Variants in SENP1 observed in about 807,000 individuals in gnomAD.
The protein encoded by SENP1 is SUMO specific peptidase 1, also known as sentrin-specific protease 1.
A neutral mutation model predicts 93.0 loss-of-function variants in SENP1; 21 were observed. The observed-to-expected ratio is 0.23, with a 90% CI of 0.16 to 0.33. SENP1 has a LOEUF of 0.33. Ranked by LOEUF, SENP1 falls within the 10% of genes least tolerant of loss-of-function variation. The pLI is 1.00. For synonymous variants in SENP1, 256 were observed against 259.6 expected, an observed-to-expected ratio of 0.99 and a Z score of 0.13; for missense variants, 591 against 758.7, an observed-to-expected ratio of 0.78 and a Z score of 2.60.
chr12:48,087,243 G>GA (rs1267194459), intron 5 of SENP1, among the ~76,000 whole-genome samples: 6 of 151,940 alleles, frequency 3.9e-5, no homozygotes, highest in Non-Finnish European at 8.8e-5. Context: ...ACTCATTTTG[G>GA]AAAAAAAGTA....
At chr12:48,060,666 C>A (rs1476717235) in intron 13 of SENP1, among the ~76,000 whole-genome samples, 1 of 152,148 alleles carries the variant, frequency 6.6e-6, no homozygotes, top group African/African-American at 2.4e-5. Context: ...CTCACTGCAG[C>A]CTTGACAACC....
intron 8 of SENP1, among the ~76,000 whole-genome samples, chr12:48,072,685 T>C (rs1304625454): frequency 6.6e-6 from 1 of 152,158 alleles, no homozygotes; most frequent in Non-Finnish European, 1.5e-5. Context: ...GTTAAAGTTT[T>C]TGATTTAATA....
At chr12:48,046,669 G>A (rs552406531) in intron 16 of SENP1, among the ~76,000 whole-genome samples, 1 of 152,050 alleles carries the variant, frequency 6.6e-6, no homozygotes, top group African/African-American at 2.4e-5. Flanking sequence ...GAATATCTCC[G>A]ACTCCCATGG....
intron 6 of SENP1, among the ~76,000 whole-genome samples, chr12:48,082,777 A>G (rs2137127928): frequency 6.6e-6 from 1 of 152,352 alleles, no homozygotes; most frequent in Non-Finnish European, 1.5e-5. Context: ...TCTTTTCAGG[A>G]GTCTGTAACT....
chr12:48,064,692 T>C (rs1011783178), intron 12 of SENP1, among the ~76,000 whole-genome samples: 2 of 152,164 alleles, frequency 1.3e-5, no homozygotes, highest in African/African-American at 2.4e-5. Context: ...TGTGTGTGTA[T>C]GTGAGATGGA....
At chr12:48,052,184 A>G (rs1339678625) in intron 13 of SENP1, among the ~76,000 whole-genome samples, 1 of 152,152 alleles carries the variant, frequency 6.6e-6, no homozygotes, top group African/African-American at 2.4e-5. Flanking sequence ...TAAGGATTCA[A>G]TCTTTTTCCT....
At position 48,105,981 on chromosome 12, in the gene SENP1, G is replaced by T. The variant is rs1299052490; in HGVS notation, c.-45+47C>A. 90 of 700,064 alleles carry T rather than the reference G, an allele frequency of 1.3e-4. No individual in the cohort carries two copies. The East Asian group carries it at 2.4e-3, about 19-fold the overall frequency. The allele number at this position is 700,064 out of a possible 1,614,324, so 43.4% of individuals were successfully genotyped here. ...GGGTCCGACACAGTCTCCTGGACCA[G>T]GCTCCCTCCATCCTCACCCCTCCCC... is the stretch of plus-strand genomic sequence containing the variant. On this transcript the variant is annotated intron_variant, in intron 1 of 17. Coordinates refer to ENST00000549518, the MANE Select transcript of SENP1 (RefSeq NM_001267594.2).
In SENP1 at chr12:48,057,074, A is replaced by T. The variant is rs1315032554; in HGVS notation, c.1407+6636T>A. ...ATTACATATATAAATATATTATTTA[A>T]TATATTATATATTACATATATAAAT... On this transcript the variant is annotated intron_variant, in intron 13 of 17. Coordinates refer to ENST00000549518, the MANE Select transcript of SENP1 (RefSeq NM_001267594.2). Among the ~76,000 whole-genome samples the T allele has an allele frequency of 3.3e-5, 2 of 59,860 alleles. 1 individual carries two copies. The highest frequency in any genetic ancestry group is 4.9e-5 in the Non-Finnish European group (2 of 40,738). The allele number at this position is 59,860 out of a possible 152,430, so 39.3% of individuals were successfully genotyped here. A position where few individuals can be genotyped will look rare whatever the true frequency, so the allele number is the denominator to read the frequency against.
chr12:48,056,213 T>C (rs1246312537), intron 13 of SENP1, among the ~76,000 whole-genome samples: 3 of 112,480 alleles, frequency 2.7e-5, no homozygotes, highest in African/African-American at 1.1e-4. Context: ...TTATTTAATA[T>C]ATATTTAAAA....
chr12:48,072,815 G>C (rs1001831564), intron 8 of SENP1, among the ~76,000 whole-genome samples: 1 of 152,086 alleles, frequency 6.6e-6, no homozygotes, highest in Non-Finnish European at 1.5e-5. Flanking sequence ...GAAAAAACAT[G>C]ATGTATATAG....
In SENP1 at chr12:48,076,643, C is replaced by CTTT. The variant is rs1000682233; in HGVS notation, c.553-1853_553-1851dup. 2.7e-3 allele frequency among the ~76,000 whole-genome samples: 313 copies of CTTT among 117,562 alleles called. 7 individuals carry two copies. The highest frequency in any genetic ancestry group is 0.02 in the South Asian group (74 of 3,768). 77.1% of individuals were successfully genotyped at this position (117,562 alleles called of 152,430 possible). On this transcript the variant is annotated intron_variant, in intron 6 of 17. Coordinates refer to ENST00000549518, the MANE Select transcript of SENP1 (RefSeq NM_001267594.2). ...CACAGCACCCAATATGTAGTTTTTG[C>CTTT]TTTTTTTTTTTCTTTTTTGAGACGG...
At chr12:48,094,154 C>T (rs1042899410) in intron 4 of SENP1, among the ~76,000 whole-genome samples, 1 of 152,090 alleles carries the variant, frequency 6.6e-6, no homozygotes, top group Non-Finnish European at 1.5e-5. Flanking sequence ...GCAGAAGAAT[C>T]ACTTGAGCCC....
intron 9 of SENP1, among the ~76,000 whole-genome samples, chr12:48,067,530 C>T (rs1943382419): frequency 6.6e-6 from 1 of 152,198 alleles, no homozygotes; most frequent in Non-Finnish European, 1.5e-5. Flanking sequence ...GTCCTAGAGC[C>T]TCTTGTTTTT....
chr12:48,105,818 AACGGCCACCGGCGGCCACAGC>A (rs1351794040), intron 1 of SENP1, 189 bp downstream of exon 1: 52 of 595,004 alleles, frequency 8.7e-5, no homozygotes, highest in African/African-American at 7.5e-4. Flanking sequence ...CAGGTAGCCT[AACGGCCACCGGCGGCCACAGC>A]GCGGCCACCG....
intron 3 of SENP1, 170 bp downstream of exon 3, chr12:48,097,824 C>A: frequency 1.7e-6 from 1 of 575,214 alleles, no homozygotes; most frequent in Non-Finnish European, 2.9e-6. Context: ...TCTTAACGTC[C>A]TTGTCTTAAT....
intron 3 of SENP1, 21 bp downstream of exon 3, chr12:48,097,973 A>T: frequency 6.2e-7 from 1 of 1,605,194 alleles, no homozygotes; most frequent in Non-Finnish European, 8.5e-7. Context: ...AATTAATTAA[A>T]GGAAGAAAAT....
intron 6 of SENP1, among the ~76,000 whole-genome samples, chr12:48,082,036 C>T (rs567113770): frequency 6.6e-6 from 1 of 151,964 alleles, no homozygotes; most frequent in Non-Finnish European, 1.5e-5. Context: ...CTTACAGGCG[C>T]CCGCCACCAC....
chr12:48,101,804 C>T (rs1565815471), intron 1 of SENP1, among the ~76,000 whole-genome samples: 1 of 152,230 alleles, frequency 6.6e-6, no homozygotes, highest in Admixed American at 6.5e-5. Flanking sequence ...CCTTAAGAGA[C>T]TGAGTGGTTT....
At chr12:48,095,708 G>C (rs946069955) in intron 4 of SENP1, among the ~76,000 whole-genome samples, 2 of 152,098 alleles carry the variant, frequency 1.3e-5, no homozygotes, top group African/African-American at 4.8e-5. Context: ...AAAACTCTTA[G>C]TTTCTCAAGG....
Sources: gnomAD v4.1 joint callset for allele counts (sites outside exome capture counted in the v4.1 genomes callset) on GRCh38, gnomAD v4.1.1 for gene constraint, MANE v1.5 for transcripts, NCBI Gene and HGNC (gene_info 2026-07-23, HGNC 2026-07-21) for gene names.